Variants in DNER observed in about 807,000 individuals in gnomAD.
DNER encodes the protein delta and Notch-like epidermal growth factor-related receptor.
Under a neutral mutation model 78.2 loss-of-function variants are expected in DNER, and 33 were observed. That is an observed-to-expected ratio of 0.42 (90% CI 0.32 to 0.56). DNER has a LOEUF of 0.56. DNER is among the 20% of genes least tolerant of loss of function. The probability of loss-of-function intolerance (pLI) is 0.11; values close to 1 mark genes in which losing one functional copy is unlikely to be tolerated. For synonymous variants in DNER, 417 were observed against 384.8 expected (o/e 1.08, Z -0.98); for missense variants, 918 against 975.3 (o/e 0.94, Z 0.78).
In DNER at chr2:229,536,587, G is replaced by GTA. The variant is rs1472338328; in HGVS notation, c.993+10358_993+10359dup. 3.3e-5 allele frequency among the ~76,000 whole-genome samples: 5 copies of GTA among 152,200 alleles called. No homozygotes were observed. In the South Asian group the frequency reaches 8.3e-4, roughly 25 times the overall value. ...TTATGAACTGAAAAATAGGACAAAG[G>GTA]TATAAGCATTCCAGGGGGAGGAAGA... On this transcript the variant is annotated intron_variant, in intron 5 of 12. Coordinates refer to ENST00000341772, the MANE Select transcript of DNER (RefSeq NM_139072.4).
At chr2:229,643,521 G>A (rs1245124033) in intron 1 of DNER, among the ~76,000 whole-genome samples, 1 of 152,190 alleles carries the variant, frequency 6.6e-6, no homozygotes, top group African/African-American at 2.4e-5. Context: ...CCTGAAACAG[G>A]TCTGCCTGGT....
chr2:229,413,692 G>A (rs1693580175), intron 9 of DNER, among the ~76,000 whole-genome samples: 1 of 150,344 alleles, frequency 6.7e-6, no homozygotes, highest in Non-Finnish European at 1.5e-5. Flanking sequence ...CTTTTTAGGA[G>A]GATAAATATA....
At chr2:229,437,488 A>G (rs1372915146) in intron 8 of DNER, among the ~76,000 whole-genome samples, 1 of 152,264 alleles carries the variant, frequency 6.6e-6, no homozygotes, top group Non-Finnish European at 1.5e-5. Flanking sequence ...ATTTAAATGC[A>G]TAGTGAAGGC....
intron 1 of DNER, among the ~76,000 whole-genome samples, chr2:229,682,925 AG>A (rs1699411121): frequency 6.6e-6 from 1 of 152,258 alleles, no homozygotes; most frequent in Admixed American, 6.5e-5. Context: ...ACTGGTTATC[AG>A]CAAGGGTTAT....
chr2:229,645,405 C>G (rs1358517994), intron 1 of DNER, among the ~76,000 whole-genome samples: 2 of 152,198 alleles, frequency 1.3e-5, no homozygotes, highest in Non-Finnish European at 1.5e-5. Flanking sequence ...CAGGATCAAA[C>G]TTATGCTAAA....
At chr2:229,432,208 T>G (rs1256752515) in intron 8 of DNER, among the ~76,000 whole-genome samples, 1 of 152,222 alleles carries the variant, frequency 6.6e-6, no homozygotes, top group Non-Finnish European at 1.5e-5. Context: ...CAATTGATTA[T>G]CTAGCATGTT....
At chr2:229,408,290 A>AT (rs971786077) in intron 9 of DNER, among the ~76,000 whole-genome samples, 5 of 151,994 alleles carry the variant, frequency 3.3e-5, no homozygotes, top group South Asian at 4.1e-4. Flanking sequence ...ACAAGTATCT[A>AT]TTTTTTTATA....
chr2:229,417,021 A>G (rs1006210429), intron 9 of DNER, among the ~76,000 whole-genome samples: 4 of 152,218 alleles, frequency 2.6e-5, no homozygotes, highest in Non-Finnish European at 5.9e-5. Context: ...CCTGAGAATG[A>G]AGCCAGCACA....
intron 1 of DNER, among the ~76,000 whole-genome samples, chr2:229,671,028 A>G (rs537798222): frequency 1.3e-5 from 2 of 152,208 alleles, no homozygotes; most frequent in South Asian, 4.2e-4. Flanking sequence ...CTTTTTCTCT[A>G]TTTCCAAAGT....
chr2:229,621,260 T>G (rs72991654), intron 1 of DNER, among the ~76,000 whole-genome samples: 3,351 of 152,306 alleles, frequency 0.022, 50 homozygotes, highest in Middle Eastern at 0.034. Flanking sequence ...ATTGCCCTAT[T>G]TTGATCATTC....
At chr2:229,531,737 T>C (rs921920218) in intron 5 of DNER, among the ~76,000 whole-genome samples, 5 of 152,198 alleles carry the variant, frequency 3.3e-5, no homozygotes, top group South Asian at 4.1e-4. Context: ...TTAACCACAA[T>C]AGCCAAAGGT....
chr2:229,623,616 C>T (rs1698288586), intron 1 of DNER, among the ~76,000 whole-genome samples: 1 of 152,200 alleles, frequency 6.6e-6, no homozygotes, highest in African/African-American at 2.4e-5. Context: ...AGGAAGAAGA[C>T]AGAAATTGTT....
intron 5 of DNER, among the ~76,000 whole-genome samples, chr2:229,520,101 T>C (rs764536179): frequency 6.6e-6 from 1 of 152,192 alleles, no homozygotes; most frequent in Non-Finnish European, 1.5e-5. Flanking sequence ...TCTGAGACTC[T>C]AGTTACTCAG....
intron 2 of DNER, among the ~76,000 whole-genome samples, chr2:229,589,528 G>A (rs1361551359): frequency 6.6e-6 from 1 of 152,266 alleles, no homozygotes; most frequent in South Asian, 2.1e-4. Flanking sequence ...ATCAGGTTAG[G>A]CATACATATT....
intron 1 of DNER, among the ~76,000 whole-genome samples, chr2:229,694,359 A>G (rs772728931): frequency 2.6e-5 from 4 of 152,214 alleles, no homozygotes; most frequent in Non-Finnish European, 4.4e-5. Context: ...GGAGCTGCCT[A>G]GTGGAGCTGT....
At chr2:229,428,865 G>C (rs772029364) in intron 8 of DNER, among the ~76,000 whole-genome samples, 4 of 152,042 alleles carry the variant, frequency 2.6e-5, no homozygotes, top group Non-Finnish European at 5.9e-5. Flanking sequence ...GCATGGGATG[G>C]GTAGAGAGGA....
rs575676532 is a variant in DNER at position 229,388,128 on chromosome 2, C to T, written c.1855+137G>A. 1.8e-5 allele frequency: 23 copies of T among 1,280,802 alleles called. No individual in the cohort carries two copies. In the East Asian group the frequency reaches 5.6e-4, roughly 31 times the overall value. The allele number at this position is 1,280,802 out of a possible 1,614,324, so 79.3% of individuals were successfully genotyped here. ...TGGGGCAAGTGTAGCTCCGGTTGTC[C>T]CTCTGGGACTCACTGCCTCATCTGC... On this transcript the variant is annotated intron_variant, in intron 11 of 12. Coordinates refer to ENST00000341772, the MANE Select transcript of DNER (RefSeq NM_139072.4).
intron 1 of DNER, 45 bp downstream of exon 1, chr2:229,714,103 G>C (rs1699953301): frequency 1.6e-6 from 2 of 1,249,648 alleles, no homozygotes. Context: ...AGAGGCTGCT[G>C]GTCCCGGACC....
chr2:229,516,338 G>A (rs1412370592), intron 5 of DNER, among the ~76,000 whole-genome samples: 2 of 152,144 alleles, frequency 1.3e-5, no homozygotes, highest in East Asian at 3.8e-4. Context: ...CATCTTTTGT[G>A]AAAAACCATG....
Sources: allele counts gnomAD v4.1 joint callset (sites outside exome capture counted in the v4.1 genomes callset), GRCh38; gene constraint gnomAD v4.1.1; transcripts MANE v1.5; gene names NCBI Gene and HGNC (gene_info 2026-07-23, HGNC 2026-07-21).